CNTN3: variants seen among roughly 807,000 people sequenced by gnomAD.
CNTN3 encodes the protein contactin-3.
A neutral mutation model predicts 119.1 loss-of-function variants in CNTN3; 60 were observed. The ratio of observed to expected loss-of-function variants is 0.50; its 90% CI spans 0.41 to 0.62. CNTN3 has a LOEUF of 0.62. Among genes scored for constraint, CNTN3 ranks in the 20% least tolerant of loss-of-function variants. CNTN3 has a pLI of 0.00. For missense variants in CNTN3, 1,101 were observed against 1,242.4 expected (o/e 0.89, Z 1.71); for synonymous variants, 450 against 438.7 (o/e 1.03, Z -0.32).
chr3:74,490,817 A>G (rs1175599756), intron 3 of CNTN3, among the ~76,000 whole-genome samples: 4 of 152,214 alleles, frequency 2.6e-5, no homozygotes, highest in African/African-American at 9.6e-5. Flanking sequence ...TTCCCAAAGT[A>G]TTAGTGTATT....
At chr3:74,279,955 A>G (rs891602335) in intron 20 of CNTN3, among the ~76,000 whole-genome samples, 1 of 152,126 alleles carries the variant, frequency 6.6e-6, no homozygotes, top group Non-Finnish European at 1.5e-5. Flanking sequence ...ATTTGATAGC[A>G]TAACAGGGTG....
chr3:74,408,287 A>T (rs1314362898), intron 5 of CNTN3, among the ~76,000 whole-genome samples: 1 of 152,184 alleles, frequency 6.6e-6, no homozygotes, highest in Non-Finnish European at 1.5e-5. Context: ...CTAATGTTTA[A>T]AAAAAAGGAA....
intron 13 of CNTN3, among the ~76,000 whole-genome samples, chr3:74,326,505 T>A (rs1222575462): frequency 1.3e-5 from 2 of 152,160 alleles, no homozygotes. Context: ...TTTGAAAACA[T>A]ACAACAAATT....
chr3:74,510,830 C>T (rs1158850956), intron 2 of CNTN3, among the ~76,000 whole-genome samples: 1 of 151,992 alleles, frequency 6.6e-6, no homozygotes, highest in Non-Finnish European at 1.5e-5. Flanking sequence ...CTAAATCTTC[C>T]AAAGTTAGGA....
intron 4 of CNTN3, among the ~76,000 whole-genome samples, chr3:74,456,619 C>T (rs1239107837): frequency 6.6e-6 from 1 of 152,074 alleles, no homozygotes. Context: ...ACCCGACATT[C>T]GCACAGGTGG....
Position 74,532,648 on chromosome 3 carries a change from A to T in CNTN3, c.-80-11456T>A, listed in dbSNP as rs150606725. The stretch of plus-strand genomic sequence containing the variant: ...GTCCCCTGGATAAAGAAAGGATTCA[A>T]TTCCTCAGCCAGGAAATAGCAGAAT... On this transcript the variant is annotated intron_variant, in intron 1 of 22. Transcript: ENST00000263665. 8.5e-5 allele frequency among the ~76,000 whole-genome samples: 13 copies of T among 152,108 alleles called. No homozygotes were observed. In the East Asian group the frequency reaches 2.5e-3, roughly 30 times the overall value.
intron 5 of CNTN3, among the ~76,000 whole-genome samples, chr3:74,395,567 C>A (rs908968088): frequency 6.6e-6 from 1 of 152,152 alleles, no homozygotes; most frequent in Admixed American, 6.5e-5. Flanking sequence ...TTAGTCAACT[C>A]TGAAAAAGTT....
At chr3:74,453,723 T>C (rs956242291) in intron 4 of CNTN3, among the ~76,000 whole-genome samples, 1 of 151,152 alleles carries the variant, frequency 6.6e-6, no homozygotes, top group African/African-American at 2.4e-5. Context: ...GTGTCTTTGT[T>C]CTCGTTGGTT....
At chr3:74,305,541 T>C (rs1702546001) in intron 13 of CNTN3, among the ~76,000 whole-genome samples, 2 of 152,094 alleles carry the variant, frequency 1.3e-5, no homozygotes, top group African/African-American at 4.8e-5. Context: ...AGTGGAATAA[T>C]CATTTAACAA....
At chr3:74,375,613 G>A (rs1371852929) in intron 5 of CNTN3, among the ~76,000 whole-genome samples, 2 of 152,012 alleles carry the variant, frequency 1.3e-5, no homozygotes, top group African/African-American at 2.4e-5. Context: ...AAAAGGAAAC[G>A]TGACCACAGA....
chr3:74,401,382 T>A (rs984557772), intron 5 of CNTN3, among the ~76,000 whole-genome samples: 1 of 152,154 alleles, frequency 6.6e-6, no homozygotes, highest in Non-Finnish European at 1.5e-5. Flanking sequence ...AAAAACATTA[T>A]TTATAGAAAA....
intron 1 of CNTN3, among the ~76,000 whole-genome samples, chr3:74,604,509 A>G (rs181884304): frequency 2.6e-5 from 4 of 152,264 alleles, no homozygotes; most frequent in East Asian, 3.9e-4. Context: ...AGATCAGAAA[A>G]AACATTTATC....
intron 4 of CNTN3, among the ~76,000 whole-genome samples, chr3:74,486,071 A>G (rs931038522): frequency 1.4e-5 from 2 of 143,740 alleles, no homozygotes; most frequent in Non-Finnish European, 3.1e-5. Context: ...AAAAGCAAGG[A>G]CCATCTCTGA....
chr3:74,575,709 C>T (rs1704404882), intron 1 of CNTN3, among the ~76,000 whole-genome samples: 2 of 151,124 alleles, frequency 1.3e-5, no homozygotes, highest in African/African-American at 4.9e-5. Flanking sequence ...TGGGGGAAGA[C>T]ATCAACTCCT....
intron 3 of CNTN3, among the ~76,000 whole-genome samples, chr3:74,499,109 A>G (rs1703116098): frequency 6.6e-6 from 1 of 151,412 alleles, no homozygotes; most frequent in Non-Finnish European, 1.5e-5. Flanking sequence ...GAAAGTTTTC[A>G]GTGAAGAGCA....
rs186444789 is a variant in CNTN3, at chr3:74,421,488, A to G, written c.454+3357T>C. ...CCAGCTGGTTACTATTATTATTACT[A>G]TTACTGCCTTTCTTTGCTTACTCTG... is the stretch of plus-strand genomic sequence containing the variant. On this transcript the variant is annotated intron_variant, in intron 5 of 22. Coordinates refer to ENST00000263665, the MANE Select transcript of CNTN3 (RefSeq NM_020872.3). 2.9e-4 allele frequency among the ~76,000 whole-genome samples: 44 copies of G among 152,236 alleles called. No individual in the cohort carries two copies. The East Asian group carries it at 5.4e-3, about 19-fold the overall frequency.
At chr3:74,328,474 C>T (rs922843868) in intron 13 of CNTN3, among the ~76,000 whole-genome samples, 8 of 152,008 alleles carry the variant, frequency 5.3e-5, no homozygotes, top group African/African-American at 1.9e-4. Context: ...TCATTTATAG[C>T]CTTGGTTTGT....
At chr3:74,543,018 C>A (rs573351209) in intron 1 of CNTN3, among the ~76,000 whole-genome samples, 23 of 152,052 alleles carry the variant, frequency 1.5e-4, no homozygotes, top group Admixed American at 8.5e-4. Context: ...GTCCCAGCTA[C>A]TTGGGAGGCT....
intron 4 of CNTN3, among the ~76,000 whole-genome samples, chr3:74,431,788 A>C (rs1701787304): frequency 6.6e-6 from 1 of 152,186 alleles, no homozygotes; most frequent in Admixed American, 6.5e-5. Context: ...TGGCCAGCTG[A>C]CTAAATGGTC....
Sources: gnomAD v4.1 joint callset for allele counts (sites outside exome capture counted in the v4.1 genomes callset) on GRCh38, gnomAD v4.1.1 for gene constraint, MANE v1.5 for transcripts, NCBI Gene and HGNC (gene_info 2026-07-23, HGNC 2026-07-21) for gene names.